The following ADAMTSL1 variants were observed in gnomAD, a reference collection of about 807,000 sequenced individuals.
ADAMTSL1 encodes the protein ADAMTS-like protein 1.
A neutral mutation model predicts 201.8 loss-of-function variants in ADAMTSL1; 126 were observed. That is an observed-to-expected ratio of 0.62 (90% confidence interval 0.54 to 0.72). ADAMTSL1 has a LOEUF of 0.72. ADAMTSL1 is among the 30% of genes least tolerant of loss of function. The pLI, the probability that ADAMTSL1 is intolerant of heterozygous loss-of-function variation, is 0.00. For missense variants in ADAMTSL1, 2,679 were observed against 2,277.8 expected, an observed-to-expected ratio of 1.18 and a Z score of -3.59; for synonymous variants, 1,121 against 903.4, an observed-to-expected ratio of 1.24 and a Z score of -4.32.
At chr9:18,873,778 G>A (rs1399735145) in intron 23 of ADAMTSL1, among the ~76,000 whole-genome samples, 1 of 151,956 alleles carries the variant, frequency 6.6e-6, no homozygotes, top group Non-Finnish European at 1.5e-5. Context: ...TGTCTATGTG[G>A]GCTCTTTTTT....
At chr9:18,455,699 G>A (rs534323018) in intron 2 of ADAMTSL1, among the ~76,000 whole-genome samples, 1 of 152,010 alleles carries the variant, frequency 6.6e-6, no homozygotes, top group Non-Finnish European at 1.5e-5. Flanking sequence ...AAAAGCAGTG[G>A]TTTTTAAACA....
At chr9:18,204,434 A>G (rs538397132) in intron 2 of ADAMTSL1, among the ~76,000 whole-genome samples, 1 of 152,262 alleles carries the variant, frequency 6.6e-6, no homozygotes, top group South Asian at 2.1e-4. Flanking sequence ...CTCTCCAGCC[A>G]TGCTGAACTG....
In ADAMTSL1 at chr9:18,657,935, A is replaced by T. The variant is rs899024654; in HGVS notation, c.946+185A>T. On this transcript the variant is annotated intron_variant, in intron 8 of 28. Coordinates refer to ENST00000380548, the MANE Select transcript of ADAMTSL1 (RefSeq NM_001040272.6). ...AGATACCTCCGCCAAGATGCCAAAG[A>T]CATTTTCTGTCTGTAAAGTCCCATT... is the stretch of plus-strand genomic sequence containing the variant. Among the ~76,000 whole-genome samples the T allele has an allele frequency of 3.3e-5, 5 of 151,626 alleles. 1 individual carries two copies. In the South Asian group the frequency reaches 1.0e-3, roughly 32 times the overall value.
rs182346763 is a variant in ADAMTSL1, at chr9:18,818,142, G to C, written c.3934+905G>C. ...TGTAGACCACTCATTTGTCATGTGT[G>C]CCCTAGGGGTTTCACTGCCACAATG... On this transcript the variant is annotated intron_variant, in intron 21 of 28. Coordinates refer to ENST00000380548, the MANE Select transcript of ADAMTSL1 (RefSeq NM_001040272.6). Among the ~76,000 whole-genome samples, 8 of 152,262 alleles carry C rather than the reference G, an allele frequency of 5.3e-5. No individual in the cohort carries two copies. The East Asian group carries it at 1.5e-3, about 29-fold the overall frequency.
chr9:18,300,601 A>G (rs1003879865), intron 2 of ADAMTSL1, among the ~76,000 whole-genome samples: 1 of 152,244 alleles, frequency 6.6e-6, no homozygotes, highest in African/African-American at 2.4e-5. Context: ...TCCAGAACTT[A>G]AAGTATTAAA....
At chr9:18,503,439 A>G (rs1474123614) in intron 1 of ADAMTSL1, among the ~76,000 whole-genome samples, 1 of 149,004 alleles carries the variant, frequency 6.7e-6, no homozygotes, top group Non-Finnish European at 1.5e-5. Context: ...ATATATATAT[A>G]TACCACATTT....
chr9:18,216,866 A>G (rs186410502), intron 2 of ADAMTSL1, among the ~76,000 whole-genome samples: 1 of 152,156 alleles, frequency 6.6e-6, no homozygotes. Context: ...CTGGAGCCAC[A>G]CCAGCTACGT....
At chr9:18,111,826 C>T (rs1825035634) in intron 1 of ADAMTSL1, among the ~76,000 whole-genome samples, 1 of 152,170 alleles carries the variant, frequency 6.6e-6, no homozygotes. Context: ...TTCCATGCAA[C>T]TCTTTCCTGA....
At chr9:18,457,495 C>A (rs1414906076) in intron 2 of ADAMTSL1, among the ~76,000 whole-genome samples, 2 of 152,086 alleles carry the variant, frequency 1.3e-5, no homozygotes, top group Non-Finnish European at 2.9e-5. Flanking sequence ...CGCCACCATG[C>A]CTTTTTTTTC....
At chr9:18,853,737 G>A (rs1475711353) in intron 23 of ADAMTSL1, among the ~76,000 whole-genome samples, 2 of 152,156 alleles carry the variant, frequency 1.3e-5, no homozygotes, top group East Asian at 1.9e-4. Flanking sequence ...ATACGGGTTG[G>A]TTAGATCAGA....
intron 12 of ADAMTSL1, among the ~76,000 whole-genome samples, chr9:18,682,244 A>C (rs1343171065): frequency 6.6e-6 from 1 of 152,218 alleles, no homozygotes; most frequent in Non-Finnish European, 1.5e-5. Flanking sequence ...ACCTGCTTAA[A>C]GGGAGACCAG....
At chr9:17,998,031 A>G (rs914315984) in intron 1 of ADAMTSL1, among the ~76,000 whole-genome samples, 4 of 152,066 alleles carry the variant, frequency 2.6e-5, no homozygotes, top group Admixed American at 1.3e-4. Context: ...CTCTCCGTTA[A>G]TAAAAATACC....
chr9:17,937,856 A>G (rs1324128470), intron 1 of ADAMTSL1, among the ~76,000 whole-genome samples: 1 of 152,146 alleles, frequency 6.6e-6, no homozygotes, highest in Non-Finnish European at 1.5e-5. Flanking sequence ...GAATCAAAAT[A>G]ATGGTGTTTT....
At chr9:18,088,455 A>AT (rs1437545410) in intron 1 of ADAMTSL1, among the ~76,000 whole-genome samples, 1 of 152,202 alleles carries the variant, frequency 6.6e-6, no homozygotes, top group Non-Finnish European at 1.5e-5. Flanking sequence ...CATGGAGAAA[A>AT]TGCAACTTAA....
intron 2 of ADAMTSL1, among the ~76,000 whole-genome samples, chr9:18,407,831 G>A (rs1275055322): frequency 2.0e-5 from 3 of 152,204 alleles, no homozygotes; most frequent in Non-Finnish European, 4.4e-5. Flanking sequence ...AGAAGAATGA[G>A]AGGGTCAAAG....
At chr9:17,991,616 G>A (rs1300261697) in intron 1 of ADAMTSL1, among the ~76,000 whole-genome samples, 1 of 152,106 alleles carries the variant, frequency 6.6e-6, no homozygotes, top group African/African-American at 2.4e-5. Flanking sequence ...TAACTCCAAT[G>A]TCCTACTGCA....
chr9:18,179,962 A>G (rs1828378566), intron 2 of ADAMTSL1, among the ~76,000 whole-genome samples: 1 of 152,188 alleles, frequency 6.6e-6, no homozygotes. Context: ...AAGAAACTGC[A>G]TCAACTAACA....
chr9:18,141,689 C>T (rs1293012597), intron 1 of ADAMTSL1, among the ~76,000 whole-genome samples: 4 of 152,182 alleles, frequency 2.6e-5, no homozygotes, highest in South Asian at 4.1e-4. Context: ...CTTGACCATT[C>T]GATTATTGGG....
intron 2 of ADAMTSL1, among the ~76,000 whole-genome samples, chr9:18,303,985 C>T (rs1458536089): frequency 2.0e-5 from 3 of 152,064 alleles, no homozygotes; most frequent in South Asian, 2.1e-4. Context: ...GCTCTCCACC[C>T]GTTCCGACAG....
Sources: gnomAD v4.1 joint callset for allele counts (sites outside exome capture counted in the v4.1 genomes callset) on GRCh38, gnomAD v4.1.1 for gene constraint, MANE v1.5 for transcripts, NCBI Gene and HGNC (gene_info 2026-07-23, HGNC 2026-07-21) for gene names.